Variants in ZCWPW2 observed in about 807,000 individuals in gnomAD.
ZCWPW2 encodes zinc finger CW-type and PWWP domain containing 2.
A neutral mutation model predicts 46.6 loss-of-function variants in ZCWPW2; 45 were observed. That is an observed-to-expected ratio of 0.96 (90% confidence interval 0.76 to 1.24). The LOEUF (loss-of-function observed/expected upper bound fraction) is 1.24. Among genes scored for constraint, ZCWPW2 ranks in the 50% most tolerant of loss-of-function variants. The pLI, the probability that ZCWPW2 is intolerant of heterozygous loss-of-function variation, is 0.00. For missense variants in ZCWPW2, 429 were observed against 403.9 expected (o/e 1.06, Z -0.53); for synonymous variants, 152 against 137.1 (o/e 1.11, Z -0.76).
chr3:28,408,426 T>C (rs1482902566), intron 2 of ZCWPW2, among the ~76,000 whole-genome samples: 1 of 152,198 alleles, frequency 6.6e-6, no homozygotes, highest in East Asian at 1.9e-4. Context: ...TTATTTGCAT[T>C]ATTAATATTG....
intron 3 of ZCWPW2, among the ~76,000 whole-genome samples, chr3:28,434,302 C>A (rs903129539): frequency 3.3e-5 from 5 of 151,852 alleles, no homozygotes; most frequent in Non-Finnish European, 7.4e-5. Flanking sequence ...TTTTGCTTAT[C>A]AGGGGTGTTA....
At chr3:28,433,030 A>G (rs1463460083) in intron 3 of ZCWPW2, among the ~76,000 whole-genome samples, 3 of 152,102 alleles carry the variant, frequency 2.0e-5, no homozygotes, top group African/African-American at 4.8e-5. Context: ...TGATTTTATC[A>G]TAGAGCTAGA....
chr3:28,466,870 A>C (rs917100426), intron 4 of ZCWPW2, among the ~76,000 whole-genome samples: 1 of 152,160 alleles, frequency 6.6e-6, no homozygotes, highest in Non-Finnish European at 1.5e-5. Context: ...CTTGATGTGG[A>C]AGATTTAATA....
chr3:28,404,178 T>G (rs1418066909), intron 2 of ZCWPW2, among the ~76,000 whole-genome samples: 1 of 149,082 alleles, frequency 6.7e-6, no homozygotes, highest in South Asian at 2.1e-4. Flanking sequence ...TGAACTCAAA[T>G]AAATTAACAA....
At chr3:28,426,699 G>A (rs1413336650) in intron 3 of ZCWPW2, among the ~76,000 whole-genome samples, 1 of 152,038 alleles carries the variant, frequency 6.6e-6, no homozygotes, top group East Asian at 1.9e-4. Context: ...CTGCAATTAG[G>A]TACAGTCCAG....
intron 3 of ZCWPW2, chr3:28,428,533 A>T (rs1012205520): frequency 1.3e-5 from 2 of 152,164 alleles, no homozygotes; most frequent in African/African-American, 4.8e-5. Context: ...CTAGAATCCG[A>T]ATTTTTATGT....
chr3:28,446,805 A>G (rs113075360), intron 4 of ZCWPW2, among the ~76,000 whole-genome samples: 3,398 of 152,194 alleles, frequency 0.022, 67 homozygotes, highest in South Asian at 0.085. Flanking sequence ...AAAGACTCAA[A>G]TTACTAAAGT....
At chr3:28,429,619 G>A (rs1217307610) in intron 3 of ZCWPW2, among the ~76,000 whole-genome samples, 1 of 152,174 alleles carries the variant, frequency 6.6e-6, no homozygotes, top group Non-Finnish European at 1.5e-5. Context: ...AGACAATGGG[G>A]AAAATGTCTC....
At chr3:28,513,811 G>A (rs1036918266) in intron 6 of ZCWPW2, among the ~76,000 whole-genome samples, 1 of 151,962 alleles carries the variant, frequency 6.6e-6, no homozygotes, top group Non-Finnish European at 1.5e-5. Flanking sequence ...TGTTTGTGAA[G>A]TTATGTAAGG....
chr3:28,413,338 GA>G lies in ZCWPW2; in HGVS notation c.271del (p.Ile91LeufsTer14). On this transcript the variant is annotated frameshift_variant, in exon 3 of 10. Transcript: ENST00000383768. LOFTEE classifies it high-confidence loss of function. ...ESQLHQCGFKIVYSQLPLGSL... is the reference protein window; with the variant it reads ...ESQLHQCGFKXVYSQLPLGSL... ...CTCAGCTTCATCAGTGTGGATTTAA[GA>G]TTGTCTATTCACAGCTCCCTCTTGG... is the stretch of plus-strand genomic sequence containing the variant. 6.2e-7 allele frequency: 1 copy of G among 1,613,106 alleles called. No homozygotes were observed. Among genetic ancestry groups the G allele is most frequent in the Non-Finnish European group, 8.5e-7 (1 of 1,179,390 alleles).
At chr3:28,383,495 C>A (rs935810604) in intron 1 of ZCWPW2, among the ~76,000 whole-genome samples, 1 of 151,766 alleles carries the variant, frequency 6.6e-6, no homozygotes, top group Non-Finnish European at 1.5e-5. Flanking sequence ...ATTCAATTAG[C>A]CTTTATGAAG....
rs1355932668 is a variant in ZCWPW2 at position 28,444,984 on chromosome 3, G to T, written c.492+9715G>T. Among the ~76,000 whole-genome samples, 3 of 151,896 alleles carry T rather than the reference G, an allele frequency of 2.0e-5. No individual in the cohort carries two copies. In the East Asian group the frequency reaches 5.8e-4, roughly 29 times the overall value. On this transcript the variant is annotated intron_variant, in intron 4 of 9. Transcript: ENST00000383768. ...TGTTTCTATACTGATATGCTCTATAGAAATAGAGTCCTTAGCATTCTGGGG... is the reference window on the plus strand; with the variant it reads ...TGTTTCTATACTGATATGCTCTATATAAATAGAGTCCTTAGCATTCTGGGG...
intron 3 of ZCWPW2, among the ~76,000 whole-genome samples, chr3:28,414,424 T>G (rs1696555422): frequency 6.6e-6 from 1 of 152,162 alleles, no homozygotes; most frequent in Non-Finnish European, 1.5e-5. Context: ...GGGGGTTTGT[T>G]GTGAAGATTA....
intron 3 of ZCWPW2, among the ~76,000 whole-genome samples, chr3:28,428,944 T>G (rs1045841019): frequency 6.6e-6 from 1 of 152,154 alleles, no homozygotes; most frequent in Non-Finnish European, 1.5e-5. Flanking sequence ...CTTTATAAAT[T>G]ACCCAGTCTT....
At position 28,413,317 on chromosome 3, in the gene ZCWPW2, G is replaced by C. The variant is rs1696484706; in HGVS notation, c.249G>C (p.Gln83His). ...ISEEDFPEES[Q>H]LHQCGFKIVY... is the part of the protein sequence containing the mutation. Reference sequence around the variant, plus strand: ...AAGAAGACTTCCCTGAAGAGTCTCAGCTTCATCAGTGTGGATTTAAGATTG... The same window carrying C: ...AAGAAGACTTCCCTGAAGAGTCTCACCTTCATCAGTGTGGATTTAAGATTG... Residue 83 changes from glutamine (Q) to histidine (H), a missense_variant, in exon 3 of 10, where the codon CAG becomes CAC. Transcript: ENST00000383768. The C allele has an allele frequency of 1.2e-6, 2 of 1,613,262 alleles. No individual in the cohort carries two copies. The highest frequency in any genetic ancestry group is 8.5e-7 in the Non-Finnish European group (1 of 1,179,460).
chr3:28,367,910 C>T (rs1008481915), intron 1 of ZCWPW2, among the ~76,000 whole-genome samples: 12 of 152,004 alleles, frequency 7.9e-5, no homozygotes, highest in African/African-American at 2.2e-4. Context: ...ATGGCCTCTT[C>T]GTCTCTTTTG....
At chr3:28,508,913 A>T (rs919012783) in intron 6 of ZCWPW2, among the ~76,000 whole-genome samples, 1 of 151,862 alleles carries the variant, frequency 6.6e-6, no homozygotes, top group South Asian at 2.1e-4. Context: ...ATTTTTTTTT[A>T]AATGTACAAT....
chr3:28,473,754 C>T (rs1054468332), intron 4 of ZCWPW2, among the ~76,000 whole-genome samples: 7 of 152,112 alleles, frequency 4.6e-5, no homozygotes, highest in African/African-American at 9.7e-5. Flanking sequence ...GAGGTCATTA[C>T]GTTAAGTGAA....
intron 4 of ZCWPW2, among the ~76,000 whole-genome samples, chr3:28,473,232 C>G (rs539026388): frequency 4.6e-5 from 7 of 152,196 alleles, no homozygotes; most frequent in African/African-American, 1.4e-4. Flanking sequence ...TCCCAGCACT[C>G]TGGGAGGCCA....
Sources: allele counts gnomAD v4.1 joint callset (sites outside exome capture counted in the v4.1 genomes callset), GRCh38; gene constraint gnomAD v4.1.1; transcripts MANE v1.5; gene names NCBI Gene and HGNC (gene_info 2026-07-23, HGNC 2026-07-21).